The following COXFA4L3 variants were observed in gnomAD, a reference collection of about 807,000 sequenced individuals.
COXFA4L3 encodes cytochrome c oxidase associated subunit FA4L3, also known as MIR147B host.
At chr15:45,430,898 C>T in the COXFA4L3 span, 1 of 1,569,492 alleles carries the variant, frequency 6.4e-7, no homozygotes, top group Non-Finnish European at 8.7e-7. Context: ...AAAGATGGCA[C>T]AGATTTTGAA....
chr15:45,430,736 C>T, the COXFA4L3 span: 104 of 1,537,718 alleles, frequency 6.8e-5, 1 homozygote, highest in South Asian at 1.1e-3. Flanking sequence ...TGGCGCCCAC[C>T]AGGCGATCAA....
chr15:45,430,756 T>C, the COXFA4L3 span: 1 of 1,599,868 alleles, frequency 6.3e-7, no homozygotes, highest in Non-Finnish European at 8.5e-7. Context: ...ATACTTTGGA[T>C]TTTTAATTTC....
chr15:45,431,778 C>A, the COXFA4L3 span, among the ~76,000 whole-genome samples: 1 of 152,148 alleles, frequency 6.6e-6, no homozygotes, highest in Non-Finnish European at 1.5e-5. Context: ...CTTGGCTTGG[C>A]AGTTTCACTC....
chr15:45,430,920 A>G, the COXFA4L3 span: 3 of 1,568,852 alleles, frequency 1.9e-6, no homozygotes, highest in Non-Finnish European at 2.6e-6. Context: ...AAAGTATAAA[A>G]TAAATACAGT....
the COXFA4L3 span, chr15:45,430,963 A>AATGAAAT: frequency 1.3e-6 from 2 of 1,593,928 alleles, no homozygotes; most frequent in Non-Finnish European, 1.7e-6. Flanking sequence ...TTCATATTGA[A>AATGAAAT]GTGTCCAAAT....
the COXFA4L3 span, chr15:45,432,816 G>A: frequency 8.8e-6 from 6 of 680,884 alleles, no homozygotes; most frequent in Non-Finnish European, 1.5e-5. Context: ...TTTAGATATG[G>A]AAAGAGGTAG....
chr15:45,431,293 G>A, the COXFA4L3 span: 1 of 422,090 alleles, frequency 2.4e-6, no homozygotes, highest in Middle Eastern at 6.4e-4. Flanking sequence ...AAAAAAAAAA[G>A]AAAAAATTTA....
chr15:45,432,305 C>T, the COXFA4L3 span, among the ~76,000 whole-genome samples: 3 of 152,180 alleles, frequency 2.0e-5, no homozygotes, highest in East Asian at 5.8e-4. Context: ...GAGCATTGTC[C>T]ATCCACTCAT....
chr15:45,432,526 G>A, the COXFA4L3 span, among the ~76,000 whole-genome samples: 1 of 152,184 alleles, frequency 6.6e-6, no homozygotes, highest in African/African-American at 2.4e-5. Context: ...TTAGCTGGGT[G>A]TAGTAGAACG....
At chr15:45,430,993 T>C in the COXFA4L3 span, 3 of 1,613,392 alleles carry the variant, frequency 1.9e-6, no homozygotes, top group South Asian at 2.2e-5. Flanking sequence ...CCACCTGTTA[T>C]TTGTTAGCTC....
At chr15:45,431,241 CT>C in the COXFA4L3 span, 1 of 512,074 alleles carries the variant, frequency 2.0e-6, no homozygotes, top group South Asian at 3.4e-5. Context: ...TCAGAAAACT[CT>C]TATGATATTG....
the COXFA4L3 span, chr15:45,433,060 G>T: frequency 6.5e-7 from 1 of 1,547,920 alleles, no homozygotes; most frequent in Non-Finnish European, 8.9e-7. Flanking sequence ...TATAAATCTA[G>T]TGGAAACATT....
the COXFA4L3 span, among the ~76,000 whole-genome samples, chr15:45,432,645 A>T: frequency 6.6e-6 from 1 of 152,184 alleles, no homozygotes; most frequent in African/African-American, 2.4e-5. Context: ...AGCCTGGGCA[A>T]CACAGCAAGA....
chr15:45,432,139 T>A, the COXFA4L3 span: 1 of 1,610,316 alleles, frequency 6.2e-7, no homozygotes, highest in Non-Finnish European at 8.5e-7. Context: ...AAAGGTATTG[T>A]TAAATTAAAA....
chr15:45,430,870 T>C, the COXFA4L3 span: 8 of 1,593,194 alleles, frequency 5.0e-6, no homozygotes, highest in Non-Finnish European at 5.1e-6. Flanking sequence ...TGACTAAAGT[T>C]TTCATTTTTA....
chr15:45,430,741 G>T, the COXFA4L3 span: 1 of 1,568,594 alleles, frequency 6.4e-7, no homozygotes, highest in Non-Finnish European at 8.7e-7. Flanking sequence ...CCCACCAGGC[G>T]ATCAATACTT....
the COXFA4L3 span, chr15:45,433,058 T>TAG: frequency 1.3e-6 from 2 of 1,547,686 alleles, no homozygotes; most frequent in Non-Finnish European, 1.8e-6. Context: ...TCTATAAATC[T>TAG]AGTGGAAACA....
the COXFA4L3 span, chr15:45,433,263 AT>A: frequency 2.5e-6 from 1 of 406,524 alleles, no homozygotes; most frequent in Non-Finnish European, 4.6e-6. Flanking sequence ...TGATCTATGA[AT>A]GTTTTTCTTA....
At chr15:45,431,019 T>G in the COXFA4L3 span, 49 of 1,614,074 alleles carry the variant, frequency 3.0e-5, no homozygotes, top group Non-Finnish European at 3.7e-5. Context: ...CTTGGTGGTG[T>G]TCATGACTGT....
Sources: allele counts gnomAD v4.1 joint callset (sites outside exome capture counted in the v4.1 genomes callset), GRCh38; gene constraint gnomAD v4.1.1; transcripts MANE v1.5; gene names NCBI Gene and HGNC (gene_info 2026-07-23, HGNC 2026-07-21).